Variants in OR5K1 observed in about 807,000 individuals in gnomAD.
OR5K1 encodes the protein olfactory receptor family 5 subfamily K member 1.
Under a neutral mutation model 10.4 loss-of-function variants are expected in OR5K1, and 7 were observed. That is an observed-to-expected ratio of 0.67 (90% CI 0.38 to 1.26). OR5K1 has a LOEUF of 1.26. Ranked by LOEUF, OR5K1 falls within the 50% of genes most tolerant of loss-of-function variation. The probability of loss-of-function intolerance (pLI) is 0.02; values close to 1 mark genes in which losing one functional copy is unlikely to be tolerated. For synonymous variants in OR5K1, 135 were observed against 128.5 expected (o/e 1.05, Z -0.34); for missense variants, 435 against 366.2 (o/e 1.19, Z -1.53).
At chr3:98,469,439 T>C (rs915098961) in intron 1 of OR5K1, 127 bp from the exon 2 acceptor site, 1 of 815,890 alleles carries the variant, frequency 1.2e-6, no homozygotes, top group South Asian at 1.8e-5. Context: ...GAATGGGGCA[T>C]GCACCAAAGT....
intron 1 of OR5K1, among the ~76,000 whole-genome samples, chr3:98,465,688 T>C (rs1455659874): frequency 6.6e-6 from 1 of 152,052 alleles, no homozygotes; most frequent in Non-Finnish European, 1.5e-5. Flanking sequence ...AGTAATGAGG[T>C]TATAAATTTT....
intron 1 of OR5K1, among the ~76,000 whole-genome samples, chr3:98,466,316 G>A (rs1306196151): frequency 8.7e-6 from 1 of 115,448 alleles, no homozygotes; most frequent in Non-Finnish European, 1.7e-5. Flanking sequence ...CATTTGGGTT[G>A]GTTCCAAGTC....
chr3:98,463,733 C>T (rs181613072), intron 1 of OR5K1, among the ~76,000 whole-genome samples: 274 of 152,178 alleles, frequency 1.8e-3, no homozygotes, highest in African/African-American at 6.2e-3. Flanking sequence ...TAATTTCAAA[C>T]CAGTCTTTCA....
chr3:98,468,179 C>T (rs1042843505), intron 1 of OR5K1, among the ~76,000 whole-genome samples: 2 of 152,002 alleles, frequency 1.3e-5, no homozygotes, highest in African/African-American at 4.8e-5. Flanking sequence ...CATTCCTTTT[C>T]CTCCCCACCC....
rs567708609 is a variant in OR5K1, at chr3:98,465,902, T to A, written c.-12+2595T>A. 1.6e-3 allele frequency among the ~76,000 whole-genome samples: 245 copies of A among 150,136 alleles called. 1 individual carries two copies. The highest frequency in any genetic ancestry group is 2.9e-3 in the South Asian group (14 of 4,766). ...AAATAAATTTGTCTTTTTTTTTTAA[T>A]TTTTTTTTATTATACTTTAAGTTTT... On this transcript the variant is annotated intron_variant, in intron 1 of 1. Coordinates refer to ENST00000642057, the MANE Select transcript of OR5K1 (RefSeq NM_001004736.4).
chr3:98,466,003 G>A (rs1426854815), intron 1 of OR5K1, among the ~76,000 whole-genome samples: 5 of 151,392 alleles, frequency 3.3e-5, no homozygotes, highest in Non-Finnish European at 5.9e-5. Flanking sequence ...ACCCACTAAC[G>A]TGTCATCTAG....
chr3:98,470,374 A>G lies in OR5K1; in HGVS notation c.798A>G (p.Glu266=), dbSNP rs1489664951. 1.2e-6 allele frequency: 2 copies of G among 1,612,710 alleles called. No homozygotes were observed. The highest frequency in any genetic ancestry group is 1.3e-5 in the African/African-American group (1 of 74,822). Residue 266 remains glutamate, a synonymous_variant, in exon 2 of 2, where the codon GAA becomes GAG. Transcript: ENST00000642057. ...FFMYVRPNLL[E]EGDKDIPAAI... is the part of the protein sequence containing the mutation. Reference sequence around the variant, plus strand: ...TGTACGTTAGACCAAATTTGCTTGAAGAAGGGGATAAAGATATACCAGCTG... The same window carrying G: ...TGTACGTTAGACCAAATTTGCTTGAGGAAGGGGATAAAGATATACCAGCTG...
intron 1 of OR5K1, among the ~76,000 whole-genome samples, chr3:98,464,961 T>C (rs1270723599): frequency 6.6e-6 from 1 of 152,178 alleles, no homozygotes; most frequent in African/African-American, 2.4e-5. Context: ...ATTCCCATGA[T>C]TATTGTGCAC....
chr3:98,470,693 T>C lies in OR5K1; in HGVS notation c.*190T>C, dbSNP rs929005059. On this transcript the variant is annotated 3_prime_UTR_variant, in exon 2 of 2. Transcript: ENST00000642057. ...ACAAAAAAGAGTAAACTGTGGTAAATCTTAATTCAAAATAACAAAAATGAA... is the reference window on the plus strand; with the variant it reads ...ACAAAAAAGAGTAAACTGTGGTAAACCTTAATTCAAAATAACAAAAATGAA... 1.8e-5 allele frequency: 7 copies of C among 380,786 alleles called. No individual in the cohort carries two copies. Among genetic ancestry groups the C allele is most frequent in the Non-Finnish European group, 3.3e-5 (7 of 213,038 alleles). The allele number at this position is 380,786 out of a possible 1,614,324, so 23.6% of individuals were successfully genotyped here. A position where few individuals can be genotyped will look rare whatever the true frequency, so the allele number is the denominator to read the frequency against.
intron 1 of OR5K1, among the ~76,000 whole-genome samples, chr3:98,467,036 T>A (rs1380234273): frequency 9.0e-6 from 1 of 111,462 alleles, no homozygotes. Flanking sequence ...GTTTTAGGTC[T>A]AACGTTTAAA....
At chr3:98,465,502 G>A (rs1705360986) in intron 1 of OR5K1, among the ~76,000 whole-genome samples, 1 of 151,906 alleles carries the variant, frequency 6.6e-6, no homozygotes, top group South Asian at 2.1e-4. Context: ...CATTATTATT[G>A]GCCAAAGGAT....
intron 1 of OR5K1, among the ~76,000 whole-genome samples, chr3:98,466,145 A>G (rs373322076): frequency 1.3e-5 from 2 of 149,236 alleles, no homozygotes; most frequent in African/African-American, 5.0e-5. Context: ...GAGAATATGC[A>G]GTGTTTGGTT....
At chr3:98,464,232 G>T (rs1245969138) in intron 1 of OR5K1, among the ~76,000 whole-genome samples, 1 of 151,908 alleles carries the variant, frequency 6.6e-6, no homozygotes, top group Non-Finnish European at 1.5e-5. Context: ...CTCCAGCCTG[G>T]GCGACACAGT....
chr3:98,471,397 TTATC>T lies in OR5K1; in HGVS notation c.*897_*900del, dbSNP rs1281172409. 1 of 150,856 alleles carries T rather than the reference TTATC, an allele frequency of 6.6e-6. No homozygotes were observed. Among genetic ancestry groups the T allele is most frequent in the Non-Finnish European group, 1.5e-5 (1 of 67,578 alleles). The allele number at this position is 150,856 out of a possible 1,614,324, so 9.3% of individuals were successfully genotyped here. On this transcript the variant is annotated 3_prime_UTR_variant, in exon 2 of 2. Transcript: ENST00000642057. The stretch of plus-strand genomic sequence containing the variant: ...AGTGTTGTTAAACTGTAGGTAGAGT[TTATC>T]TAATTTTTTTTTCTTTTCACTATTG...
chr3:98,463,970 A>T (rs1345852699), intron 1 of OR5K1, among the ~76,000 whole-genome samples: 1 of 152,186 alleles, frequency 6.6e-6, no homozygotes, highest in Non-Finnish European at 1.5e-5. Flanking sequence ...TTAAAGGTAC[A>T]TCAGCCAGGT....
chr3:98,468,817 C>G (rs1384026824), intron 1 of OR5K1, among the ~76,000 whole-genome samples: 1 of 152,074 alleles, frequency 6.6e-6, no homozygotes, highest in Non-Finnish European at 1.5e-5. Context: ...CATTGTTAAT[C>G]AGTACATATA....
intron 1 of OR5K1, 97 bp from the exon 2 acceptor site, chr3:98,469,469 A>T (rs1386175227): frequency 6.0e-6 from 7 of 1,161,520 alleles, no homozygotes; most frequent in Non-Finnish European, 7.3e-6. Context: ...ATGAGGAAAC[A>T]TTGTGGAAGA....
At chr3:98,463,771 C>T (rs1388312510) in intron 1 of OR5K1, among the ~76,000 whole-genome samples, 2 of 152,010 alleles carry the variant, frequency 1.3e-5, no homozygotes, top group African/African-American at 4.8e-5. Context: ...GAGGAATGTT[C>T]TAGTTTCTTT....
In OR5K1 at chr3:98,470,361, C is replaced by T. The variant is rs1705432695; in HGVS notation, c.785C>T (p.Pro262Leu). ...TCTCTTTTCTTCATGTACGTTAGAC[C>T]AAATTTGCTTGAAGAAGGGGATAAA... ...YGSLFFMYVR[P>L]NLLEEGDKDI... Residue 262 changes from proline (P) to leucine (L), a missense_variant, in exon 2 of 2, where the codon CCA becomes CTA. By Grantham distance (98) the Pro-to-Leu change is moderately conservative. Coordinates refer to ENST00000642057, the MANE Select transcript of OR5K1 (RefSeq NM_001004736.4). 4 of 1,612,870 alleles carry T rather than the reference C, an allele frequency of 2.5e-6. No individual in the cohort carries two copies. Among genetic ancestry groups the T allele is most frequent in the Non-Finnish European group, 3.4e-6 (4 of 1,179,426 alleles).
Sources: gnomAD v4.1 joint callset for allele counts (sites outside exome capture counted in the v4.1 genomes callset) on GRCh38, gnomAD v4.1.1 for gene constraint, MANE v1.5 for transcripts, NCBI Gene and HGNC (gene_info 2026-07-23, HGNC 2026-07-21) for gene names.